The following FBXW10B variants were observed in gnomAD, a reference collection of about 807,000 sequenced individuals.
The protein encoded by FBXW10B is F-box and WD repeat domain containing 10B.
the FBXW10B span, among the ~76,000 whole-genome samples, chr17:15,599,838 G>A: frequency 8.6e-5 from 13 of 151,810 alleles, no homozygotes; most frequent in Non-Finnish European, 1.3e-4. Flanking sequence ...CATTCCCAGG[G>A]CCATCACTTA....
At chr17:15,618,135 C>T in the FBXW10B span, among the ~76,000 whole-genome samples, 3 of 152,178 alleles carry the variant, frequency 2.0e-5, no homozygotes, top group Non-Finnish European at 2.9e-5. Flanking sequence ...CGAGACCAGC[C>T]TGGCCAGCAT....
chr17:15,573,341 C>G, the FBXW10B span: 14 of 152,292 alleles, frequency 9.2e-5, no homozygotes, highest in African/African-American at 3.1e-4. Flanking sequence ...GAAACAGAAC[C>G]CCATAGAATT....
chr17:15,613,330 G>C, the FBXW10B span, among the ~76,000 whole-genome samples: 17 of 145,414 alleles, frequency 1.2e-4, no homozygotes, highest in South Asian at 2.2e-4. Context: ...TAACTCCCTG[G>C]GGGCTGGGGG....
chr17:15,595,701 C>T, the FBXW10B span, among the ~76,000 whole-genome samples: 1 of 152,102 alleles, frequency 6.6e-6, no homozygotes, highest in African/African-American at 2.4e-5. Context: ...ATCCTGTGTT[C>T]CTGCTGCAAA....
At chr17:15,618,236 G>A in the FBXW10B span, among the ~76,000 whole-genome samples, 1 of 152,110 alleles carries the variant, frequency 6.6e-6, no homozygotes, top group African/African-American at 2.4e-5. Context: ...GCTGAGGCAG[G>A]AGAATTGCTT....
the FBXW10B span, among the ~76,000 whole-genome samples, chr17:15,606,988 G>A: frequency 0.029 from 4,356 of 152,078 alleles, 132 homozygotes; most frequent in East Asian, 0.13. Flanking sequence ...TTCGTCTCTC[G>A]GCATATTGAA....
At chr17:15,576,325 T>C in the FBXW10B span, among the ~76,000 whole-genome samples, 1 of 152,242 alleles carries the variant, frequency 6.6e-6, no homozygotes, top group Non-Finnish European at 1.5e-5. Flanking sequence ...TCACCTGTAA[T>C]GTACAAGCAC....
At chr17:15,594,470 CAA>C in the FBXW10B span, 5,300 of 261,000 alleles carry the variant, frequency 0.02, 1 homozygote, top group Middle Eastern at 0.052. Flanking sequence ...GACTCTGTCT[CAA>C]AAAAAAAAAA....
the FBXW10B span, chr17:15,612,596 G>A: frequency 9.9e-6 from 15 of 1,515,090 alleles, no homozygotes; most frequent in Middle Eastern, 1.9e-4. Flanking sequence ...GTCACCTGCC[G>A]TGATCCTCTG....
chr17:15,594,886 A>T, the FBXW10B span: 1 of 1,608,482 alleles, frequency 6.2e-7, no homozygotes, highest in Non-Finnish European at 8.5e-7. Context: ...GTGGCCACTG[A>T]GAGTCTGCAA....
chr17:15,614,489 C>T, the FBXW10B span, among the ~76,000 whole-genome samples: 3 of 152,160 alleles, frequency 2.0e-5, no homozygotes, highest in African/African-American at 7.2e-5. Flanking sequence ...GCACTGCACC[C>T]GGCCGAGAAT....
the FBXW10B span, among the ~76,000 whole-genome samples, chr17:15,616,481 T>C: frequency 6.6e-6 from 1 of 151,938 alleles, no homozygotes; most frequent in Non-Finnish European, 1.5e-5. Flanking sequence ...GAACATTTAA[T>C]TTTTTAAGAG....
At chr17:15,588,312 T>C in the FBXW10B span, 1 of 167,494 alleles carries the variant, frequency 6.0e-6, no homozygotes, top group Non-Finnish European at 1.3e-5. Context: ...AGGCACATCA[T>C]TGCTACTCAT....
At chr17:15,608,037 C>T in the FBXW10B span, among the ~76,000 whole-genome samples, 2 of 151,690 alleles carry the variant, frequency 1.3e-5, no homozygotes, top group Admixed American at 6.6e-5. Flanking sequence ...TGCCCTTTGA[C>T]CGACCATTTC....
the FBXW10B span, among the ~76,000 whole-genome samples, chr17:15,590,535 CTGGTTTA>C: frequency 3.4e-5 from 5 of 147,312 alleles, no homozygotes; most frequent in Non-Finnish European, 7.5e-5. Flanking sequence ...CGTGTTCATC[CTGGTTTA>C]TAGTTGACCT....
the FBXW10B span, among the ~76,000 whole-genome samples, chr17:15,603,747 G>A: frequency 6.2e-5 from 9 of 144,450 alleles, 1 homozygote; most frequent in South Asian, 2.4e-4. Flanking sequence ...TCCAAGACCC[G>A]TCTCTGGCAG....
chr17:15,591,580 G>T, the FBXW10B span, among the ~76,000 whole-genome samples: 1 of 152,166 alleles, frequency 6.6e-6, no homozygotes, highest in Non-Finnish European at 1.5e-5. Flanking sequence ...GAGCCACTGC[G>T]CCTGGCCTCA....
chr17:15,604,739 A>G, the FBXW10B span, among the ~76,000 whole-genome samples: 3 of 152,024 alleles, frequency 2.0e-5, no homozygotes, highest in Non-Finnish European at 4.4e-5. Flanking sequence ...GGGTTTCACC[A>G]TGTTAGCCAG....
chr17:15,578,484 A>T, the FBXW10B span, among the ~76,000 whole-genome samples: 1 of 152,132 alleles, frequency 6.6e-6, no homozygotes, highest in Non-Finnish European at 1.5e-5. Context: ...CAGGTGAACA[A>T]AGCTATTTTT....
Sources: allele counts gnomAD v4.1 joint callset (sites outside exome capture counted in the v4.1 genomes callset), GRCh38; gene constraint gnomAD v4.1.1; transcripts MANE v1.5; gene names NCBI Gene and HGNC (gene_info 2026-07-23, HGNC 2026-07-21).